MAP4K4: variants seen among roughly 807,000 people sequenced by gnomAD.
MAP4K4 encodes mitogen-activated protein kinase kinase kinase kinase 4, also known as HPK/GCK-like kinase HGK.
MAP4K4 carries 38 observed loss-of-function variants against 189.6 expected under a neutral mutation model. That is an observed-to-expected ratio of 0.20 (90% confidence interval 0.15 to 0.26). MAP4K4 has a LOEUF of 0.26. Ranked by LOEUF, MAP4K4 falls within the 10% of genes least tolerant of loss-of-function variation. The probability of loss-of-function intolerance (pLI) is 1.00; values close to 1 mark genes in which losing one functional copy is unlikely to be tolerated. For synonymous variants in MAP4K4, 610 were observed against 624.3 expected (o/e 0.98, Z 0.34); for missense variants, 1,054 against 1,726.9 (o/e 0.61, Z 6.91).
At chr2:101,816,866 G>T (rs2149243986) in intron 3 of MAP4K4, among the ~76,000 whole-genome samples, 1 of 152,272 alleles carries the variant, frequency 6.6e-6, no homozygotes, top group South Asian at 2.1e-4. Flanking sequence ...CCCAAGCAGG[G>T]AAACTGGCAG....
chr2:101,782,171 G>T (rs1462251324), intron 2 of MAP4K4, among the ~76,000 whole-genome samples: 1 of 152,240 alleles, frequency 6.6e-6, no homozygotes, highest in Non-Finnish European at 1.5e-5. Context: ...GAAAAAAGAT[G>T]CGGTGCATAA....
intron 2 of MAP4K4, among the ~76,000 whole-genome samples, chr2:101,748,749 T>C: frequency 6.6e-6 from 1 of 151,892 alleles, no homozygotes; most frequent in Non-Finnish European, 1.5e-5. Flanking sequence ...TGATTGTATA[T>C]CTAGAAAACC....
chr2:101,818,943 C>G (rs766487038), intron 3 of MAP4K4, among the ~76,000 whole-genome samples: 41 of 151,874 alleles, frequency 2.7e-4, no homozygotes, highest in Non-Finnish European at 5.1e-4. Flanking sequence ...CTAAAAAGGC[C>G]TCTCTCTCCT....
At chr2:101,868,413 C>T (rs2097880396) in intron 21 of MAP4K4, among the ~76,000 whole-genome samples, 1 of 152,146 alleles carries the variant, frequency 6.6e-6, no homozygotes, top group Admixed American at 6.5e-5. Flanking sequence ...GCTACATAGA[C>T]TGCGTTTTTA....
At chr2:101,844,374 T>G in intron 12 of MAP4K4, 63 bp downstream of exon 12, 2 of 1,364,272 alleles carry the variant, frequency 1.5e-6, no homozygotes, top group East Asian at 5.0e-5. Flanking sequence ...CACTGGTAGT[T>G]AGCCACTCAG....
chr2:101,836,279 T>A (rs1459961793), intron 9 of MAP4K4, among the ~76,000 whole-genome samples: 1 of 152,174 alleles, frequency 6.6e-6, no homozygotes, highest in Non-Finnish European at 1.5e-5. Context: ...CTTCTAAACA[T>A]CTTCCCATTA....
rs2096793910 is a variant in MAP4K4, at chr2:101,837,530, C to A, written c.773+1552C>A. On this transcript the variant is annotated intron_variant, in intron 9 of 32. Coordinates refer to ENST00000324219, the Ensembl canonical transcript of MAP4K4. Reference sequence around the variant, plus strand: ...TGCCACAGAGTTGTAAGGATTTTAACCCCAGTCAGTCTTCTGTATTAAGAC... The same window carrying A: ...TGCCACAGAGTTGTAAGGATTTTAAACCCAGTCAGTCTTCTGTATTAAGAC... Among the ~76,000 whole-genome samples, 5 of 152,098 alleles carry A rather than the reference C, an allele frequency of 3.3e-5. No individual in the cohort carries two copies. The South Asian group carries it at 1.0e-3, about 32-fold the overall frequency.
intron 2 of MAP4K4, among the ~76,000 whole-genome samples, chr2:101,731,447 G>A (rs973984164): frequency 8.6e-5 from 13 of 151,974 alleles, no homozygotes; most frequent in African/African-American, 2.9e-4. Context: ...ATTAAGCAAA[G>A]AGCAGAGAAT....
At chr2:101,797,014 A>C (rs2093767173) in intron 3 of MAP4K4, among the ~76,000 whole-genome samples, 1 of 152,220 alleles carries the variant, frequency 6.6e-6, no homozygotes, top group Non-Finnish European at 1.5e-5. Flanking sequence ...CTGACCACGC[A>C]TGGGCAGGAC....
chr2:101,702,099 G>A (rs1207432691), intron 2 of MAP4K4, among the ~76,000 whole-genome samples: 1 of 152,112 alleles, frequency 6.6e-6, no homozygotes, highest in Non-Finnish European at 1.5e-5. Flanking sequence ...GGCCTCAAGT[G>A]ATCTGCACGC....
intron 2 of MAP4K4, among the ~76,000 whole-genome samples, chr2:101,726,068 T>C (rs2055214627): frequency 6.6e-6 from 1 of 152,248 alleles, no homozygotes; most frequent in Admixed American, 6.5e-5. Context: ...AGGTTGGGTA[T>C]TGCTGCTAGA....
At chr2:101,865,511 C>T (rs1311310694) in intron 18 of MAP4K4, among the ~76,000 whole-genome samples, 1 of 152,224 alleles carries the variant, frequency 6.6e-6, no homozygotes, top group Non-Finnish European at 1.5e-5. Flanking sequence ...CGATTAGCTA[C>T]AGAAGCTTCC....
chr2:101,888,288 G>A (rs72991252), intron 31 of MAP4K4, among the ~76,000 whole-genome samples: 8,665 of 152,152 alleles, frequency 0.057, 673 homozygotes, highest in African/African-American at 0.17. Flanking sequence ...ATTGGTAAAG[G>A]GAGACAGAAA....
Position 101,859,881 on chromosome 2 carries a change from G to A in MAP4K4, c.1704+17G>A. The A allele has an allele frequency of 6.3e-7, 1 of 1,581,014 alleles. No homozygotes were observed. Among genetic ancestry groups the A allele is most frequent in the Non-Finnish European group, 8.6e-7 (1 of 1,163,326 alleles). Reference sequence around the variant, plus strand: ...GCGCGAGAGGTATCCTCTTTCCTTTGTCACTTAGACATTGCCCTGGAAAGT... The same window carrying A: ...GCGCGAGAGGTATCCTCTTTCCTTTATCACTTAGACATTGCCCTGGAAAGT... On this transcript the variant is annotated intron_variant, in intron 15 of 32. Transcript: ENST00000324219.
intron 3 of MAP4K4, among the ~76,000 whole-genome samples, chr2:101,792,363 C>G (rs1428189142): frequency 6.6e-6 from 1 of 152,094 alleles, no homozygotes; most frequent in Non-Finnish European, 1.5e-5. Context: ...TAGTGTCATT[C>G]AACCTGTGCT....
At chr2:101,834,164 T>C (rs1290291285) in intron 7 of MAP4K4, among the ~76,000 whole-genome samples, 1 of 149,478 alleles carries the variant, frequency 6.7e-6, no homozygotes, top group Non-Finnish European at 1.5e-5. Context: ...TTCCTTTCCT[T>C]CCTTTCCTTC....
chr2:101,891,070 A>G (rs1173090920), intron 32 of MAP4K4, 96 bp from the exon 33 acceptor site: 3 of 947,236 alleles, frequency 3.2e-6, no homozygotes, highest in Admixed American at 3.8e-5. Context: ...AGCTTCTCGT[A>G]CTTGACAGTG....
At chr2:101,757,790 C>T (rs761550019) in intron 2 of MAP4K4, among the ~76,000 whole-genome samples, 4 of 152,182 alleles carry the variant, frequency 2.6e-5, no homozygotes, top group South Asian at 2.1e-4. Context: ...GAGGCCGAGG[C>T]GAGTGGATCG....
chr2:101,707,522 G>T (rs971298289), intron 2 of MAP4K4, among the ~76,000 whole-genome samples: 3 of 151,808 alleles, frequency 2.0e-5, no homozygotes, highest in African/African-American at 7.3e-5. Context: ...CTGTCTGTCT[G>T]TGTCTTTTGA....
Sources: gnomAD v4.1 joint callset for allele counts (sites outside exome capture counted in the v4.1 genomes callset) on GRCh38, gnomAD v4.1.1 for gene constraint, MANE v1.5 for transcripts, NCBI Gene and HGNC (gene_info 2026-07-23, HGNC 2026-07-21) for gene names.